The following ACSM3 variants were observed in gnomAD, a reference collection of about 807,000 sequenced individuals.
ACSM3 encodes the protein acyl-CoA synthetase medium chain family member 3, also known as acyl-coenzyme A synthetase ACSM3, mitochondrial.
A neutral mutation model predicts 74.1 loss-of-function variants in ACSM3; 61 were observed. The ratio of observed to expected loss-of-function variants is 0.82; its 90% CI spans 0.67 to 1.02. The LOEUF is 1.02. ACSM3 is among the 50% of genes least tolerant of loss of function. The pLI is 0.00. For synonymous variants in ACSM3, 213 were observed against 241.5 expected (o/e 0.88, Z 1.09); for missense variants, 660 against 697.0 (o/e 0.95, Z 0.60).
intron 1 of ACSM3, among the ~76,000 whole-genome samples, chr16:20,740,471 T>A (rs770701585): frequency 2.0e-4 from 31 of 152,258 alleles, no homozygotes; most frequent in Non-Finnish European, 3.5e-4. Context: ...TGCCCCCTAG[T>A]GCCCAACGAA....
intron 2 of ACSM3, among the ~76,000 whole-genome samples, chr16:20,774,743 C>A (rs956870072): frequency 2.0e-5 from 3 of 152,228 alleles, no homozygotes; most frequent in African/African-American, 7.2e-5. Flanking sequence ...GGGTCCCAGG[C>A]AGGCTGATCC....
chr16:20,771,371 C>CTTTTTT (rs57406215), intron 2 of ACSM3, among the ~76,000 whole-genome samples: 1 of 85,252 alleles, frequency 1.2e-5, no homozygotes, highest in Non-Finnish European at 2.3e-5. Flanking sequence ...GGCCGAGCTC[C>CTTTTTT]TTTTTTTTTT....
chr16:20,795,469 T>C (rs1355580435), intron 12 of ACSM3, among the ~76,000 whole-genome samples: 3 of 152,238 alleles, frequency 2.0e-5, no homozygotes, highest in Non-Finnish European at 4.4e-5. Context: ...TTGTTTCAAA[T>C]AATTCCTTTT....
intron 1 of ACSM3, chr16:20,741,596 G>A (rs370375818): frequency 1.3e-6 from 2 of 1,575,774 alleles, no homozygotes; most frequent in Admixed American, 3.7e-5. Context: ...TATTGCAGGT[G>A]ATGAGGATGC....
At chr16:20,707,046 A>G (rs1785489882) in intron 1 of ACSM3, among the ~76,000 whole-genome samples, 1 of 152,054 alleles carries the variant, frequency 6.6e-6, no homozygotes, top group African/African-American at 2.4e-5. Context: ...CTTCAGTCAC[A>G]TTGCAAATCC....
In ACSM3 at chr16:20,765,319, A is replaced by G. The variant is rs191042007; in HGVS notation, c.-52+1194A>G. On this transcript the variant is annotated intron_variant, in intron 1 of 13. Coordinates refer to ENST00000289416, the MANE Select transcript of ACSM3 (RefSeq NM_005622.4). ...TGCTAAGATCGATGAAAAGGGAGGA[A>G]AAGAACTTTGTTGAGGAGAAGGTAA... is the stretch of plus-strand genomic sequence containing the variant. 4.5e-3 allele frequency among the ~76,000 whole-genome samples: 690 copies of G among 152,324 alleles called. 6 individuals are homozygous for G. Among genetic ancestry groups the G allele is most frequent in the African/African-American group, 0.015 (639 of 41,562 alleles).
rs750243779 is a variant in ACSM3 at position 20,792,223 on chromosome 16, T to C, written c.1455-13T>C. 3.7e-6 allele frequency: 6 copies of C among 1,614,112 alleles called. No homozygotes were observed. Among genetic ancestry groups the C allele is most frequent in the South Asian group, 1.1e-5 (1 of 91,084 alleles). On this transcript the variant is annotated splice_polypyrimidine_tract_variant and intron_variant, in intron 11 of 13. Transcript: ENST00000289416. ...CACTCACCTGTATGTATTCCTGCCATATGTGTTTCTAGCTATCGAATTGGA... is the reference window on the plus strand; with the variant it reads ...CACTCACCTGTATGTATTCCTGCCACATGTGTTTCTAGCTATCGAATTGGA...
rs201269386 is a variant in ACSM3, at chr16:20,685,351, T to C, written c.-190+10529T>C. ...CTCTCTGAAGCTCCACTTTACTTCA[T>C]CCCCTTGGCCATTCACCCACCAAAA... On this transcript the variant is annotated intron_variant, in intron 1 of 3. Coordinates refer to the ACSM3 transcript ENST00000561584. 2.5e-6 allele frequency: 4 copies of C among 1,614,034 alleles called. No individual in the cohort carries two copies. The African/African-American group carries it at 5.3e-5, about 22-fold the overall frequency.
At chr16:20,764,967 GACA>G (rs2080110325) in intron 1 of ACSM3, among the ~76,000 whole-genome samples, 2 of 152,158 alleles carry the variant, frequency 1.3e-5, no homozygotes, top group Non-Finnish European at 2.9e-5. Flanking sequence ...TGGGTTTGGA[GACA>G]ACAGCAGTGA....
intron 1 of ACSM3, chr16:20,703,452 T>A (rs1454877011): frequency 6.6e-6 from 1 of 152,194 alleles, no homozygotes; most frequent in Non-Finnish European, 1.5e-5. Flanking sequence ...GAGCATGAAA[T>A]GTTTTCCCAT....
At chr16:20,778,048 C>T (rs1471818681) in intron 4 of ACSM3, among the ~76,000 whole-genome samples, 3 of 152,168 alleles carry the variant, frequency 2.0e-5, no homozygotes, top group African/African-American at 4.8e-5. Flanking sequence ...TTAACAAAGC[C>T]ACTGTCTTCA....
intron 9 of ACSM3, chr16:20,789,511 G>A: frequency 6.2e-7 from 1 of 1,613,646 alleles, no homozygotes; most frequent in Middle Eastern, 1.6e-4. Context: ...CCCTTTTCCT[G>A]TTTACTCATA....
chr16:20,725,739 AG>A (rs1485485445), intron 1 of ACSM3, among the ~76,000 whole-genome samples: 1 of 152,196 alleles, frequency 6.6e-6, no homozygotes, highest in Non-Finnish European at 1.5e-5. Flanking sequence ...TTGGAAGCTG[AG>A]GCGGGCAGAT....
chr16:20,785,041 C>G lies in ACSM3; in HGVS notation c.1077C>G (p.Asp359Glu), dbSNP rs139667199. ...GTGCTGGGGAACCAATTACCCCTGA[C>G]GTGACTGAAAAATGGAGAAACAAGA... is the stretch of plus-strand genomic sequence containing the variant. The part of the protein sequence containing the change: ...CVSAGEPITP[D>E]VTEKWRNKTG... The change falls in exon 8 of 14, where the codon GAC becomes GAG. Residue 359 changes from aspartate to glutamate, a missense_variant. Asp to Glu is a conservative substitution (Grantham distance 45). Transcript: ENST00000289416. 104 of 1,613,554 alleles carry G rather than the reference C, an allele frequency of 6.4e-5. No homozygotes were observed. Among genetic ancestry groups the G allele is most frequent in the Non-Finnish European group, 7.6e-5 (90 of 1,179,772 alleles).
chr16:20,685,440 T>C (rs1404506184), intron 1 of ACSM3: 2 of 1,600,320 alleles, frequency 1.2e-6, no homozygotes, highest in Non-Finnish European at 1.7e-6. Flanking sequence ...ATTTTCTGCT[T>C]CAAAGAAAAA....
chr16:20,785,241 G>A (rs978648869), intron 8 of ACSM3, 134 bp downstream of exon 8: 1 of 1,269,666 alleles, frequency 7.9e-7, no homozygotes, highest in African/African-American at 1.5e-5. Context: ...AAAAAACAAT[G>A]CTTGCAAGAA....
chr16:20,787,474 T>C (rs1307600476), intron 9 of ACSM3, among the ~76,000 whole-genome samples: 2 of 152,224 alleles, frequency 1.3e-5, no homozygotes, highest in African/African-American at 4.8e-5. Flanking sequence ...ATAAACATCA[T>C]ATGGATATCT....
chr16:20,709,412 A>G (rs536072830), intron 1 of ACSM3, among the ~76,000 whole-genome samples: 1 of 152,360 alleles, frequency 6.6e-6, no homozygotes, highest in South Asian at 2.1e-4. Flanking sequence ...AATTATTGCT[A>G]TACCTATACA....
intron 2 of ACSM3, among the ~76,000 whole-genome samples, chr16:20,751,278 C>T (rs928346398): frequency 6.6e-6 from 1 of 152,196 alleles, no homozygotes; most frequent in Non-Finnish European, 1.5e-5. Flanking sequence ...AAACAGAATT[C>T]AAGGTCTTCT....
Sources: gnomAD v4.1 joint callset for allele counts (sites outside exome capture counted in the v4.1 genomes callset) on GRCh38, gnomAD v4.1.1 for gene constraint, MANE v1.5 for transcripts, NCBI Gene and HGNC (gene_info 2026-07-23, HGNC 2026-07-21) for gene names.